STK3: variants seen among roughly 807,000 people sequenced by gnomAD.
The protein encoded by STK3 is serine/threonine-protein kinase 3.
STK3 carries 41 observed loss-of-function variants against 58.0 expected under a neutral mutation model. The ratio of observed to expected loss-of-function variants is 0.71; its 90% CI spans 0.55 to 0.92. The LOEUF is 0.92. Among genes scored for constraint, STK3 ranks in the 40% least tolerant of loss-of-function variants. The pLI, the probability that STK3 is intolerant of heterozygous loss-of-function variation, is 0.00. For synonymous variants in STK3, 170 were observed against 191.0 expected (o/e 0.89, Z 0.91); for missense variants, 479 against 602.7 (o/e 0.79, Z 2.15).
At chr8:98,526,446 A>C (rs1212612967) in intron 10 of STK3, 2 of 185,170 alleles carry the variant, frequency 1.1e-5, no homozygotes, top group African/African-American at 4.7e-5. Context: ...GCATTATTGA[A>C]AACATCTTTT....
rs553742360 is a variant in STK3 at position 98,504,207 on chromosome 8, G to A, written c.1317+22535C>T. Among the ~76,000 whole-genome samples, 97 of 152,172 alleles carry A rather than the reference G, an allele frequency of 6.4e-4. 1 individual carries two copies. The South Asian group carries it at 8.5e-3, about 13-fold the overall frequency. On this transcript the variant is annotated intron_variant, in intron 10 of 10. Transcript: ENST00000419617. ...GTCTGTTTTATCAGAGACTAGGATT[G>A]CAACCCCTGCTTTTTTTTGCTTTCC... is the stretch of plus-strand genomic sequence containing the variant.
chr8:98,830,969 C>CAAA (rs760622434), intron 3 of STK3, among the ~76,000 whole-genome samples: 70 of 59,616 alleles, frequency 1.2e-3, no homozygotes, highest in Middle Eastern at 0.014. Flanking sequence ...GACTCTGTCT[C>CAAA]AAAAAAAAAA....
intron 6 of STK3, among the ~76,000 whole-genome samples, chr8:98,597,081 G>A (rs1815890860): frequency 6.6e-6 from 1 of 152,096 alleles, no homozygotes; most frequent in Non-Finnish European, 1.5e-5. Flanking sequence ...TTGTTTTGGA[G>A]AGGTGAAAAA....
At chr8:98,730,616 T>C (rs150802316) in intron 4 of STK3, among the ~76,000 whole-genome samples, 5,463 of 147,718 alleles carry the variant, frequency 0.037, 116 homozygotes, top group South Asian at 0.061. Flanking sequence ...CCCGGGAGGC[T>C]GAGGCACGAG....
At chr8:98,358,278 G>A in the STK3 span, among the ~76,000 whole-genome samples, 1 of 152,162 alleles carries the variant, frequency 6.6e-6, no homozygotes, top group African/African-American at 2.4e-5. Flanking sequence ...ACCAGCAGGG[G>A]GAGCTCTTCC....
intron 10 of STK3, among the ~76,000 whole-genome samples, chr8:98,501,820 G>C (rs1823624103): frequency 1.3e-5 from 2 of 152,212 alleles, no homozygotes. Context: ...TTGTAGTATA[G>C]TTTGAAGTCA....
rs1424860490 is a variant in STK3 at position 98,526,891 on chromosome 8, T to C, written c.1168A>G (p.Arg390Gly). Residue 390 changes from arginine to glycine, a missense_variant, in exon 10 of 11, where the codon AGA (arginine) becomes GGA (glycine). By Grantham distance (125) the Arg-to-Gly change is moderately radical. Transcript: ENST00000419617. The part of the protein sequence containing the change: ...KRNATSPQVQ[R>G]PSFMDYFDKQ... Reference sequence around the variant, plus strand: ...TCAAAGTAGTCCATGAAAGATGGTCTTTGTACTTGTGGTGAGGTTGCATTT... The same window carrying C: ...TCAAAGTAGTCCATGAAAGATGGTCCTTGTACTTGTGGTGAGGTTGCATTT... The C allele has an allele frequency of 1.9e-6, 3 of 1,581,542 alleles. No homozygotes were observed. The highest frequency in any genetic ancestry group is 3.4e-4 in the Middle Eastern group (2 of 5,920).
intron 6 of STK3, among the ~76,000 whole-genome samples, chr8:98,644,784 C>T (rs1371965423): frequency 2.0e-5 from 3 of 152,116 alleles, no homozygotes; most frequent in South Asian, 4.1e-4. Context: ...CATCCCTACA[C>T]ATTTAGAAGA....
At chr8:98,435,837 AG>A (rs2131084058) in intron 2 of STK3, among the ~76,000 whole-genome samples, 1 of 152,216 alleles carries the variant, frequency 6.6e-6, no homozygotes, top group South Asian at 2.1e-4. Context: ...TGGCATGAGA[AG>A]GGGCCCTTGG....
chr8:98,588,195 G>C (rs552133755), intron 7 of STK3, among the ~76,000 whole-genome samples: 10 of 152,142 alleles, frequency 6.6e-5, no homozygotes, highest in Admixed American at 2.0e-4. Context: ...TCCTAGTCTC[G>C]ATGGTCTTTA....
chr8:98,399,144 A>G (rs1031877455), downstream of STK3, among the ~76,000 whole-genome samples: 19 of 152,254 alleles, frequency 1.2e-4, no homozygotes, highest in African/African-American at 4.6e-4. Context: ...AGACTGGACT[A>G]GAGACATACT....
chr8:98,813,772 T>C lies in STK3; in HGVS notation c.26+11743A>G, dbSNP rs149702106. Among the ~76,000 whole-genome samples the C allele has an allele frequency of 1.7e-3, 260 of 152,328 alleles. 1 individual carries two copies. The highest frequency in any genetic ancestry group is 5.9e-3 in the African/African-American group (247 of 41,578). ...CAACATACTCCCTATCCCTAAGACA[T>C]GTTATTACATTCGCTTTCTTAATTA... On this transcript the variant is annotated intron_variant, in intron 1 of 10. Transcript: ENST00000419617.
chr8:98,663,014 C>G (rs183697937), intron 6 of STK3, among the ~76,000 whole-genome samples: 2 of 152,128 alleles, frequency 1.3e-5, no homozygotes, highest in Admixed American at 6.5e-5. Flanking sequence ...GCAACAAAAG[C>G]CAAAATTGAT....
intron 4 of STK3, among the ~76,000 whole-genome samples, chr8:98,738,739 C>T (rs1488153589): frequency 1.3e-5 from 2 of 152,182 alleles, no homozygotes; most frequent in Non-Finnish European, 2.9e-5. Context: ...ACAGTGGGCG[C>T]AGGACAGTGG....
chr8:98,548,740 G>T (rs554077304), intron 8 of STK3, among the ~76,000 whole-genome samples: 2 of 151,864 alleles, frequency 1.3e-5, no homozygotes, highest in African/African-American at 2.4e-5. Flanking sequence ...CCCAGCCCTG[G>T]CAACCTCTAT....
intron 1 of STK3, among the ~76,000 whole-genome samples, chr8:98,385,937 T>C (rs759068847): frequency 2.6e-5 from 4 of 152,158 alleles, no homozygotes; most frequent in African/African-American, 4.8e-5. Flanking sequence ...AGAATAATTA[T>C]TGAACAGTTG....
intron 4 of STK3, among the ~76,000 whole-genome samples, chr8:98,738,810 A>C (rs1828880598): frequency 6.6e-6 from 1 of 152,190 alleles, no homozygotes; most frequent in Non-Finnish European, 1.5e-5. Context: ...GGGAAGCGCA[A>C]GGGGTTCAGG....
Position 98,743,374 on chromosome 8 carries a change from T to C in STK3, c.351+5902A>G, listed in dbSNP as rs993405546. On this transcript the variant is annotated intron_variant, in intron 4 of 10. Transcript: ENST00000419617. ...AGTAACCAAAACAGCATGGTACTGG[T>C]ACCAAAACAGAGATATAGATCAATG... Among the ~76,000 whole-genome samples, 113 of 152,196 alleles carry C rather than the reference T, an allele frequency of 7.4e-4. 1 individual carries two copies. Among genetic ancestry groups the C allele is most frequent in the African/African-American group, 2.6e-3 (107 of 41,526 alleles).
chr8:98,534,404 G>C (rs1809590079), intron 9 of STK3, among the ~76,000 whole-genome samples: 1 of 152,248 alleles, frequency 6.6e-6, no homozygotes, highest in Admixed American at 6.5e-5. Context: ...AAACTCCTTA[G>C]AGACAGTTCA....
Sources: allele counts gnomAD v4.1 joint callset (sites outside exome capture counted in the v4.1 genomes callset), GRCh38; gene constraint gnomAD v4.1.1; transcripts MANE v1.5; gene names NCBI Gene and HGNC (gene_info 2026-07-23, HGNC 2026-07-21).